NCALD: variants seen among roughly 807,000 people sequenced by gnomAD.
NCALD encodes the protein neurocalcin-delta.
NCALD carries 10 observed loss-of-function variants against 18.6 expected under a neutral mutation model. The observed-to-expected ratio is 0.54, with a 90% CI of 0.33 to 0.91. NCALD has a LOEUF of 0.91. NCALD is among the 40% of genes least tolerant of loss of function. NCALD has a pLI of 0.03. For synonymous variants in NCALD, 88 were observed against 87.4 expected (o/e 1.01, Z -0.04); for missense variants, 184 against 247.6 (o/e 0.74, Z 1.72).
chr8:101,993,148 G>GA (rs79585820), intron 2 of NCALD, among the ~76,000 whole-genome samples: 4,471 of 136,228 alleles, frequency 0.033, 99 homozygotes, highest in East Asian at 0.094. Context: ...CACTCTACAG[G>GA]AAAAAAAAAA....
At chr8:102,021,510 G>C (rs1341379428) in intron 1 of NCALD, among the ~76,000 whole-genome samples, 3 of 152,120 alleles carry the variant, frequency 2.0e-5, no homozygotes, top group Non-Finnish European at 4.4e-5. Flanking sequence ...AAAATATAAA[G>C]GTATAAGTGA....
At chr8:102,113,252 AAC>A (rs1199604334) in intron 1 of NCALD, among the ~76,000 whole-genome samples, 1 of 152,212 alleles carries the variant, frequency 6.6e-6, no homozygotes, top group African/African-American at 2.4e-5. Flanking sequence ...TGTTCCAAAA[AAC>A]ACATGTATAT....
In NCALD at chr8:102,011,748, T is replaced by G. The variant is rs370082783; in HGVS notation, c.-157+8489A>C. Among the ~76,000 whole-genome samples, 6 of 152,230 alleles carry G rather than the reference T, an allele frequency of 3.9e-5. 1 individual carries two copies. The East Asian group carries it at 7.7e-4, about 20-fold the overall frequency. ...AAAAATCAGCATGTAAAAATTATTC[T>G]GTGGATTTCAGAGTTGTAAAACTCT... On this transcript the variant is annotated intron_variant, in intron 2 of 6. Transcript: ENST00000311028.
chr8:101,977,890 G>T (rs1430540566), intron 2 of NCALD, among the ~76,000 whole-genome samples: 1 of 152,080 alleles, frequency 6.6e-6, no homozygotes, highest in East Asian at 1.9e-4. Flanking sequence ...ACTTAAGATG[G>T]TCTTCAATTA....
intron 2 of NCALD, among the ~76,000 whole-genome samples, chr8:101,695,086 T>C (rs1266344700): frequency 6.6e-6 from 1 of 152,166 alleles, no homozygotes; most frequent in Admixed American, 6.5e-5. Flanking sequence ...TTCAAGCTCA[T>C]ATGATCTAAA....
chr8:101,764,016 C>CACACACA lies in NCALD; in HGVS notation c.-20+26845_-20+26846insTGTGTGT, dbSNP rs1563744473. On this transcript the variant is annotated intron_variant, in intron 1 of 3. Coordinates refer to ENST00000220931, the MANE Select transcript of NCALD (RefSeq NM_032041.3). ...CACACACACACACACACACACACAC[C>CACACACA]CCCTATTGGTCTGTCTCTCAAGAGA... is the stretch of plus-strand genomic sequence containing the variant. Among the ~76,000 whole-genome samples, 117 of 15,214 alleles carry CACACACA rather than the reference C, an allele frequency of 7.7e-3. 2 individuals carry two copies. Among genetic ancestry groups the CACACACA allele is most frequent in the Non-Finnish European group, 0.022 (88 of 3,926 alleles). 10.0% of individuals were successfully genotyped at this position (15,214 alleles called of 152,430 possible).
chr8:101,918,601 C>T (rs572140096), intron 2 of NCALD, among the ~76,000 whole-genome samples: 3 of 152,024 alleles, frequency 2.0e-5, no homozygotes, highest in Admixed American at 6.6e-5. Flanking sequence ...AAGACTCTGT[C>T]CAAAGGCTCC....
intron 4 of NCALD, among the ~76,000 whole-genome samples, chr8:101,852,131 A>G (rs1308176733): frequency 6.6e-6 from 1 of 152,154 alleles, no homozygotes; most frequent in East Asian, 1.9e-4. Context: ...TATTATCTGT[A>G]AATTACCCAG....
At chr8:102,023,704 C>T (rs1049496954) in intron 1 of NCALD, among the ~76,000 whole-genome samples, 4 of 152,162 alleles carry the variant, frequency 2.6e-5, no homozygotes, top group Admixed American at 6.5e-5. Context: ...TTTCCAGTTC[C>T]GAGACCAAGG....
rs189192175 is a variant in NCALD, at chr8:101,920,612, T to C, written c.-156-4754A>G. 7.2e-5 allele frequency among the ~76,000 whole-genome samples: 11 copies of C among 152,290 alleles called. No homozygotes were observed. In the East Asian group the frequency reaches 2.1e-3, roughly 29 times the overall value. On this transcript the variant is annotated intron_variant, in intron 2 of 6. Coordinates refer to the NCALD transcript ENST00000311028. ...TACAGCTGGAGTCCATTATTCTAAG[T>C]GAATTAATACAGGAGCAGAAAACCA... is the stretch of plus-strand genomic sequence containing the variant.
At chr8:101,892,115 C>G (rs1319742163) in intron 3 of NCALD, among the ~76,000 whole-genome samples, 1 of 151,424 alleles carries the variant, frequency 6.6e-6, no homozygotes, top group Non-Finnish European at 1.5e-5. Flanking sequence ...ATGTCCCTGT[C>G]TGACAGCTTT....
chr8:102,100,856 T>C (rs899863591), intron 1 of NCALD, among the ~76,000 whole-genome samples: 2 of 152,134 alleles, frequency 1.3e-5, no homozygotes, highest in African/African-American at 4.8e-5. Flanking sequence ...AGTAGTCAAA[T>C]TCATAGAGCA....
At chr8:102,067,397 T>G (rs2132280614) in intron 1 of NCALD, among the ~76,000 whole-genome samples, 1 of 152,318 alleles carries the variant, frequency 6.6e-6, no homozygotes, top group African/African-American at 2.4e-5. Flanking sequence ...TGTTGTTTAC[T>G]CATCCTTCAA....
chr8:101,706,380 G>A (rs79563111), intron 2 of NCALD, among the ~76,000 whole-genome samples: 3,920 of 152,012 alleles, frequency 0.026, 135 homozygotes, highest in African/African-American at 0.078. Context: ...TGGAATATTG[G>A]CTTTGTACCA....
chr8:101,801,757 C>T (rs1292889056), intron 4 of NCALD, among the ~76,000 whole-genome samples: 1 of 148,100 alleles, frequency 6.8e-6, no homozygotes, highest in African/African-American at 2.5e-5. Flanking sequence ...AGCTCCGCCT[C>T]CCGGGTTCAC....
At chr8:101,874,641 G>C (rs867323758) in intron 4 of NCALD, among the ~76,000 whole-genome samples, 3 of 118,618 alleles carry the variant, frequency 2.5e-5, no homozygotes, top group African/African-American at 1.0e-4. Context: ...GGGCTCAAGT[G>C]ATCCTCCTGA....
chr8:101,932,580 C>T (rs74558285), intron 2 of NCALD, among the ~76,000 whole-genome samples: 3,895 of 152,176 alleles, frequency 0.026, 132 homozygotes, highest in East Asian at 0.1. Context: ...TTTCCCTTAA[C>T]CACAGCTTTC....
chr8:101,894,602 T>A, intron 3 of NCALD, among the ~76,000 whole-genome samples: 1 of 142,260 alleles, frequency 7.0e-6, no homozygotes, highest in African/African-American at 2.9e-5. Context: ...TCAACAAAAT[T>A]GATAGACTGC....
intron 1 of NCALD, among the ~76,000 whole-genome samples, chr8:101,733,953 G>C (rs1221556530): frequency 6.6e-6 from 1 of 152,140 alleles, no homozygotes; most frequent in Non-Finnish European, 1.5e-5. Context: ...TTTTTCCTGG[G>C]GCTGAGGAGG....
Sources: gnomAD v4.1 joint callset for allele counts (sites outside exome capture counted in the v4.1 genomes callset) on GRCh38, gnomAD v4.1.1 for gene constraint, MANE v1.5 for transcripts, NCBI Gene and HGNC (gene_info 2026-07-23, HGNC 2026-07-21) for gene names.